The following CEP162 variants were observed in gnomAD, a reference collection of about 807,000 sequenced individuals.
The protein encoded by CEP162 is centrosomal protein of 162 kDa.
CEP162 carries 141 observed loss-of-function variants against 169.2 expected under a neutral mutation model. The observed-to-expected ratio is 0.83, with a 90% CI of 0.73 to 0.96. CEP162 has a LOEUF of 0.96. Among genes scored for constraint, CEP162 ranks in the 40% least tolerant of loss-of-function variants. CEP162 has a pLI of 0.00. For missense variants in CEP162, 1,600 were observed against 1,587.2 expected (o/e 1.01, Z -0.14); for synonymous variants, 540 against 526.4 (o/e 1.03, Z -0.35).
At position 84,179,904 on chromosome 6, in the gene CEP162, C is replaced by T. The variant is rs540532452; in HGVS notation, c.1664-4557G>A. Among the ~76,000 whole-genome samples the T allele has an allele frequency of 2.0e-4, 31 of 152,220 alleles. No individual in the cohort carries two copies. The South Asian group carries it at 6.2e-3, about 31-fold the overall frequency. Reference sequence around the variant, plus strand: ...GACCAGACGGATTCACAGCCAAATTCTACCAGAGGTACAAGAAGGAGCTGG... The same window carrying T: ...GACCAGACGGATTCACAGCCAAATTTTACCAGAGGTACAAGAAGGAGCTGG... On this transcript the variant is annotated intron_variant, in intron 13 of 26. Coordinates refer to ENST00000403245, the MANE Select transcript of CEP162 (RefSeq NM_014895.4).
chr6:84,145,620 A>G (rs903917381), intron 25 of CEP162, among the ~76,000 whole-genome samples: 2 of 152,056 alleles, frequency 1.3e-5, no homozygotes, highest in Admixed American at 1.3e-4. Context: ...ATCTCTGTCT[A>G]TAATTCTCCA....
chr6:84,181,052 C>A (rs1470763072), intron 13 of CEP162, among the ~76,000 whole-genome samples: 2 of 152,180 alleles, frequency 1.3e-5, no homozygotes, highest in African/African-American at 2.4e-5. Flanking sequence ...CCAAGACAAT[C>A]CTAAGCAAAA....
intron 26 of CEP162, 147 bp downstream of exon 26, chr6:84,126,231 T>A: frequency 1.9e-6 from 1 of 522,080 alleles, no homozygotes; most frequent in Non-Finnish European, 3.0e-6. Context: ...CTGGTAAAAG[T>A]TATAAATTTA....
Position 84,169,374 on chromosome 6 carries a change from C to T in CEP162, c.2339G>A (p.Arg780Lys), listed in dbSNP as rs2129215629. ...TAACAGATCTGTAAAATTCTGATTTCTTGTGGGCTCTGAATCTTCAACTAC... is the reference window on the plus strand; with the variant it reads ...TAACAGATCTGTAAAATTCTGATTTTTTGTGGGCTCTGAATCTTCAACTAC... ...SQVVEDSEPT[R>K]NQNFTDLLAE... The change falls in exon 18 of 27, where the codon AGA (arginine) becomes AAA (lysine). Residue 780 changes from arginine to lysine, a missense_variant. Transcript: ENST00000403245. The T allele has an allele frequency of 6.3e-7, 1 of 1,583,892 alleles. No individual in the cohort carries two copies. Among genetic ancestry groups the T allele is most frequent in the African/African-American group, 1.3e-5 (1 of 74,526 alleles).
At chr6:84,130,842 T>A (rs943088535) in intron 25 of CEP162, among the ~76,000 whole-genome samples, 2 of 152,222 alleles carry the variant, frequency 1.3e-5, no homozygotes, top group Non-Finnish European at 2.9e-5. Context: ...AGGTTTCTTG[T>A]GTCTCTATCT....
At position 84,174,883 on chromosome 6, in the gene CEP162, C is replaced by G. The variant is rs1395708651; in HGVS notation, c.1869G>C (p.Glu623Asp). Residue 623 changes from glutamate (E) to aspartate (D), a missense_variant, in exon 15 of 27, where the codon GAG (glutamate) becomes GAC (aspartate). Physicochemically the swap from Glu to Asp is conservative, Grantham distance 45 (BLOSUM62 2). Transcript: ENST00000403245. ...LLMFKRVQEAEDKWRGAQALI... is the reference protein window; with the variant it reads ...LLMFKRVQEADDKWRGAQALI... The stretch of plus-strand genomic sequence containing the variant: ...GGGCTTGCGCACCCCTCCATTTATC[C>G]TCTGCTTCCTGAACTCTTTTAAACA... 1 of 1,569,652 alleles carries G rather than the reference C, an allele frequency of 6.4e-7. No homozygotes were observed. Among genetic ancestry groups the G allele is most frequent in the Admixed American group, 1.8e-5 (1 of 54,208 alleles).
In CEP162 at chr6:84,161,772, C is replaced by T. The variant is rs1358344701; in HGVS notation, c.2650G>A (p.Glu884Lys). The T allele has an allele frequency of 1.9e-6, 3 of 1,596,270 alleles. No homozygotes were observed. The highest frequency in any genetic ancestry group is 1.7e-4 in the Middle Eastern group (1 of 6,000). Residue 884 changes from glutamate to lysine, a missense_variant, in exon 20 of 27, where the codon GAG (glutamate) becomes AAG (lysine). Glu to Lys is a moderately conservative substitution (Grantham distance 56). Coordinates refer to ENST00000403245, the MANE Select transcript of CEP162 (RefSeq NM_014895.4). ...KDALRLREAN[E>K]EIEKLKLEIE... is the part of the protein sequence containing the mutation. Reference sequence around the variant, plus strand: ...TCAAGTTTGAGCTTCTCAATTTCCTCATTTGCTTCTCTAAGCCGAAGTGCA... The same window carrying T: ...TCAAGTTTGAGCTTCTCAATTTCCTTATTTGCTTCTCTAAGCCGAAGTGCA...
In CEP162 at chr6:84,196,105, C is replaced by T. The variant is rs189682238; in HGVS notation, c.836-1030G>A. Among the ~76,000 whole-genome samples, 404 of 152,260 alleles carry T rather than the reference C, an allele frequency of 2.7e-3. 2 individuals carry two copies. The highest frequency in any genetic ancestry group is 9.5e-3 in the African/African-American group (393 of 41,536). On this transcript the variant is annotated intron_variant, in intron 9 of 26. Transcript: ENST00000403245. The stretch of plus-strand genomic sequence containing the variant: ...CTTCTGATATGGTTTGGCTGTGTCC[C>T]CACCCAAATCTCATCTTAAATTGTA...
At chr6:84,196,601 A>C (rs2099542248) in intron 9 of CEP162, among the ~76,000 whole-genome samples, 1 of 152,226 alleles carries the variant, frequency 6.6e-6, no homozygotes, top group Non-Finnish European at 1.5e-5. Context: ...GAAAATAATG[A>C]ATCACGGAAG....
chr6:84,178,237 C>G (rs2875396), intron 13 of CEP162, among the ~76,000 whole-genome samples: 1 of 151,472 alleles, frequency 6.6e-6, no homozygotes, highest in East Asian at 1.9e-4. Flanking sequence ...AAAATTGTTA[C>G]GTTTTTAAGG....
At chr6:84,147,631 AGGG>A (rs999568260) in intron 24 of CEP162, among the ~76,000 whole-genome samples, 1 of 152,070 alleles carries the variant, frequency 6.6e-6, no homozygotes. Context: ...TATCAATAAA[AGGG>A]GGGGAAAATA....
intron 25 of CEP162, among the ~76,000 whole-genome samples, chr6:84,139,726 T>C (rs2099515736): frequency 1.3e-5 from 2 of 152,194 alleles, no homozygotes; most frequent in South Asian, 2.1e-4. Flanking sequence ...CATATTCAGA[T>C]TGGTAGGAGA....
chr6:84,163,869 A>G (rs1034656021), intron 18 of CEP162, among the ~76,000 whole-genome samples: 28 of 152,144 alleles, frequency 1.8e-4, no homozygotes, highest in African/African-American at 6.7e-4. Flanking sequence ...TAATTAAACT[A>G]AAGAGCTTCT....
At position 84,161,890 on chromosome 6, in the gene CEP162, T is replaced by A. The variant is rs778418387; in HGVS notation, c.2532A>T (p.Ile844=). 3.1e-5 allele frequency: 48 copies of A among 1,542,802 alleles called. No homozygotes were observed. Among genetic ancestry groups the A allele is most frequent in the Non-Finnish European group, 4.2e-5 (47 of 1,132,172 alleles). The change falls in exon 20 of 27, where the codon ATA becomes ATT. Residue 844 remains isoleucine (I), a synonymous_variant. Transcript: ENST00000403245. ...AYVTGEKLYE[I]KILEETHKQE... is the part of the protein sequence containing the mutation. ...GTTTATGTGTTTCTTCTAAAATTTT[T>A]ATTTCATATAATTTCTCACCTATAA...
chr6:84,129,239 T>C (rs1388921496), intron 25 of CEP162, among the ~76,000 whole-genome samples: 8 of 152,210 alleles, frequency 5.3e-5, no homozygotes, highest in African/African-American at 1.7e-4. Flanking sequence ...ATGGTATTTC[T>C]AGTTCTAGAT....
intron 13 of CEP162, among the ~76,000 whole-genome samples, chr6:84,183,070 TATTC>T (rs1455345178): frequency 6.6e-6 from 1 of 152,154 alleles, no homozygotes; most frequent in Non-Finnish European, 1.5e-5. Flanking sequence ...TCATACTTAA[TATTC>T]AGTCTAATGA....
intron 21 of CEP162, among the ~76,000 whole-genome samples, chr6:84,160,484 T>A (rs1221643724): frequency 6.6e-6 from 1 of 152,196 alleles, no homozygotes; most frequent in Non-Finnish European, 1.5e-5. Flanking sequence ...CTCTCTCAGC[T>A]GTCTACGGTC....
chr6:84,186,744 ATTAAG>A, intron 11 of CEP162, 121 bp from the exon 12 acceptor site: 2 of 776,150 alleles, frequency 2.6e-6, no homozygotes, highest in South Asian at 2.0e-5. Flanking sequence ...AACTATTCAA[ATTAAG>A]TTAATGATGT....
At chr6:84,127,825 T>C (rs1463614136) in intron 25 of CEP162, among the ~76,000 whole-genome samples, 1 of 152,162 alleles carries the variant, frequency 6.6e-6, no homozygotes, top group Non-Finnish European at 1.5e-5. Context: ...GATAAAGGGA[T>C]GGCCAATGAC....
Sources: gnomAD v4.1 joint callset for allele counts (sites outside exome capture counted in the v4.1 genomes callset) on GRCh38, gnomAD v4.1.1 for gene constraint, MANE v1.5 for transcripts, NCBI Gene and HGNC (gene_info 2026-07-23, HGNC 2026-07-21) for gene names.